Variants in SLC9A8 observed in about 807,000 individuals in gnomAD.
SLC9A8 encodes sodium/hydrogen exchanger 8.
Under a neutral mutation model 66.6 loss-of-function variants are expected in SLC9A8, and 48 were observed. The observed-to-expected ratio is 0.72, with a 90% CI of 0.57 to 0.92. The LOEUF (loss-of-function observed/expected upper bound fraction) is 0.92, where lower values mean the gene tolerates loss of function less well. SLC9A8 is among the 40% of genes least tolerant of loss of function. The pLI is 0.00. For missense variants in SLC9A8, 599 were observed against 747.3 expected, an observed-to-expected ratio of 0.80 and a Z score of 2.31; for synonymous variants, 274 against 282.6, an observed-to-expected ratio of 0.97 and a Z score of 0.31.
rs950914254 is a variant in SLC9A8 at position 49,859,536 on chromosome 20, C to T, written c.714-3393C>T. ...AATATGCTCCTGGGAGCTGTTGTCA[C>T]CTTTCCTTGGTTATCAGAATCATAC... On this transcript the variant is annotated intron_variant, in intron 8 of 15. Transcript: ENST00000361573. Among the ~76,000 whole-genome samples, 85 of 151,564 alleles carry T rather than the reference C, an allele frequency of 5.6e-4. 2 individuals carry two copies. Among genetic ancestry groups the T allele is most frequent in the Admixed American group, 5.0e-3 (76 of 15,204 alleles).
At position 49,815,050 on chromosome 20, in the gene SLC9A8, C is replaced by T. The variant is rs751640087; in HGVS notation, c.69C>T (p.Leu23=). 6.9e-6 allele frequency: 11 copies of T among 1,605,210 alleles called. No homozygotes were observed. The highest frequency in any genetic ancestry group is 5.6e-5 in the South Asian group (5 of 89,514). ...CTCATGAGGGTTTCAATGTCACCCTCCACACCACCCTGGTTGTCACGACGA... is the reference window on the plus strand; with the variant it reads ...CTCATGAGGGTTTCAATGTCACCCTTCACACCACCCTGGTTGTCACGACGA... ...NTTHEGFNVT[L]HTTLVVTTKL... is the part of the protein sequence containing the mutation. The change falls in exon 2 of 16, where the codon CTC becomes CTT. Residue 23 remains leucine, a synonymous_variant. Transcript: ENST00000361573.
chr20:49,821,775 C>T (rs894197137), intron 2 of SLC9A8, among the ~76,000 whole-genome samples: 5 of 151,440 alleles, frequency 3.3e-5, no homozygotes, highest in Non-Finnish European at 7.4e-5. Flanking sequence ...TTTTTTTTGC[C>T]GGGGGGTTGG....
intron 11 of SLC9A8, 54 bp from the exon 12 acceptor site, chr20:49,877,927 C>G (rs1160385092): frequency 2.5e-6 from 3 of 1,223,676 alleles, no homozygotes; most frequent in Non-Finnish European, 3.5e-6. Context: ...AGTTTAGTAC[C>G]ATATTGGAAT....
intron 14 of SLC9A8, 195 bp downstream of exon 14, chr20:49,884,261 C>CACGCCACACACACACACG (rs1568883790): frequency 3.5e-6 from 1 of 283,658 alleles, no homozygotes; most frequent in Non-Finnish European, 6.4e-6. Context: ...ACACACACGA[C>CACGCCACACACACACACG]ACACACACAC....
chr20:49,866,462 T>C (rs1036883808), intron 10 of SLC9A8, among the ~76,000 whole-genome samples: 1 of 152,218 alleles, frequency 6.6e-6, no homozygotes, highest in African/African-American at 2.4e-5. Context: ...AGTGACTGTA[T>C]CATTTTACAT....
rs1158646675 is a variant in SLC9A8 at position 49,874,249 on chromosome 20, A to G, written c.959-456A>G. 7.9e-5 allele frequency among the ~76,000 whole-genome samples: 12 copies of G among 151,034 alleles called. No homozygotes were observed. The South Asian group carries it at 1.9e-3, about 24-fold the overall frequency. On this transcript the variant is annotated intron_variant, in intron 10 of 15. Coordinates refer to ENST00000361573, the MANE Select transcript of SLC9A8 (RefSeq NM_015266.3). ...CTCCAGCCTGGGTGACAAGAGCAAA[A>G]CTCTGTCCCCCCCCCAAAAAAAAGG...
chr20:49,863,950 C>T (rs2088854566), intron 9 of SLC9A8: 1 of 152,196 alleles, frequency 6.6e-6, no homozygotes. Context: ...CCCATCAACT[C>T]CTTTGTCCAG....
In SLC9A8 at chr20:49,851,650, C is replaced by G. The variant is rs558573484; in HGVS notation, c.569+806C>G. On this transcript the variant is annotated intron_variant, in intron 7 of 15. Coordinates refer to ENST00000361573, the MANE Select transcript of SLC9A8 (RefSeq NM_015266.3). ...CAACTTGGGACTAGAATCTGGGAAC[C>G]CTTTTCATGGGAACTGTGTCTCTGA... Among the ~76,000 whole-genome samples the G allele has an allele frequency of 2.0e-5, 3 of 152,282 alleles. No homozygotes were observed. In the East Asian group the frequency reaches 5.8e-4, roughly 29 times the overall value.
At chr20:49,883,203 C>T (rs1312486747) in intron 13 of SLC9A8, among the ~76,000 whole-genome samples, 4 of 152,146 alleles carry the variant, frequency 2.6e-5, no homozygotes, top group East Asian at 1.9e-4. Flanking sequence ...CCATGCCCCT[C>T]AGTTGTGCCC....
chr20:49,884,225 C>CACACACACACACG (rs2089749518), intron 14 of SLC9A8, 159 bp downstream of exon 14: 15 of 242,112 alleles, frequency 6.2e-5, no homozygotes, highest in African/African-American at 9.6e-5. Context: ...CACACACACA[C>CACACACACACACG]ACACACACAC....
chr20:49,878,112 C>A, intron 12 of SLC9A8, 49 bp downstream of exon 12: 2 of 1,164,320 alleles, frequency 1.7e-6, no homozygotes, highest in Non-Finnish European at 2.4e-6. Context: ...ATTTGTAGAT[C>A]AATAAACACA....
Position 49,864,642 on chromosome 20 carries a change from G to T in SLC9A8, c.853-97G>T, listed in dbSNP as rs1475549493. 1.1e-5 allele frequency: 9 copies of T among 800,480 alleles called. No individual in the cohort carries two copies. The East Asian group carries it at 2.3e-4, about 20-fold the overall frequency. 49.6% of individuals were successfully genotyped at this position (800,480 alleles called of 1,614,324 possible). ...GGACATTCTAAAATCTATATCTGTTGTTTACTTCATATATTTGGAAAGCAG... is the reference window on the plus strand; with the variant it reads ...GGACATTCTAAAATCTATATCTGTTTTTTACTTCATATATTTGGAAAGCAG... On this transcript the variant is annotated intron_variant, in intron 9 of 15. Coordinates refer to ENST00000361573, the MANE Select transcript of SLC9A8 (RefSeq NM_015266.3).
chr20:49,866,603 A>G (rs192174678), intron 10 of SLC9A8, among the ~76,000 whole-genome samples: 19 of 152,242 alleles, frequency 1.2e-4, no homozygotes, highest in Admixed American at 3.9e-4. Context: ...GGTTATTTTT[A>G]TATTCGCCTT....
intron 8 of SLC9A8, among the ~76,000 whole-genome samples, chr20:49,856,227 G>T (rs2088476445): frequency 6.6e-6 from 1 of 152,196 alleles, no homozygotes; most frequent in South Asian, 2.1e-4. Flanking sequence ...TCTGGGGTGA[G>T]TCCCAAGACC....
At chr20:49,830,307 G>C (rs2087120823) in intron 3 of SLC9A8, 1 of 1,138,508 alleles carries the variant, frequency 8.8e-7, no homozygotes, top group Admixed American at 1.7e-5. Flanking sequence ...CACAGTGACT[G>C]TCTGGAACCG....
At chr20:49,875,740 T>C (rs1213902871) in intron 11 of SLC9A8, among the ~76,000 whole-genome samples, 1 of 151,386 alleles carries the variant, frequency 6.6e-6, no homozygotes, top group Non-Finnish European at 1.5e-5. Context: ...GGGACTTGTC[T>C]CTTTTTTTTT....
At chr20:49,837,107 T>C (rs1057354286) in intron 3 of SLC9A8, among the ~76,000 whole-genome samples, 1 of 152,224 alleles carries the variant, frequency 6.6e-6, no homozygotes, top group African/African-American at 2.4e-5. Context: ...TTGCTTCCTT[T>C]GGAAAGGCTA....
chr20:49,847,930 A>G (rs1481143067), intron 5 of SLC9A8, among the ~76,000 whole-genome samples: 5 of 91,354 alleles, frequency 5.5e-5, no homozygotes, highest in East Asian at 6.8e-4. Flanking sequence ...TTTTTTTGAG[A>G]TGGAGTTTTG....
chr20:49,834,185 CTATATATA>C (rs377091649), intron 3 of SLC9A8, among the ~76,000 whole-genome samples: 1,077 of 34,446 alleles, frequency 0.031, 34 homozygotes, highest in South Asian at 0.069. Flanking sequence ...CTCTCTCTCT[CTATATATA>C]TATATATATA....
Sources: allele counts gnomAD v4.1 joint callset (sites outside exome capture counted in the v4.1 genomes callset), GRCh38; gene constraint gnomAD v4.1.1; transcripts MANE v1.5; gene names NCBI Gene and HGNC (gene_info 2026-07-23, HGNC 2026-07-21).